ATP6V1H: variants seen among roughly 807,000 people sequenced by gnomAD.
ATP6V1H encodes ATPase H+ transporting V1 subunit H.
ATP6V1H carries 39 observed loss-of-function variants against 71.7 expected under a neutral mutation model. That is an observed-to-expected ratio of 0.54 (90% CI 0.42 to 0.71). ATP6V1H has a LOEUF of 0.71. ATP6V1H is among the 30% of genes least tolerant of loss of function. The pLI, the probability that ATP6V1H is intolerant of heterozygous loss-of-function variation, is 0.00. For synonymous variants in ATP6V1H, 192 were observed against 199.3 expected (o/e 0.96, Z 0.31); for missense variants, 509 against 594.9 (o/e 0.86, Z 1.50).
chr8:53,840,390 CG>C (rs1309407898), intron 2 of ATP6V1H, among the ~76,000 whole-genome samples: 1 of 151,596 alleles, frequency 6.6e-6, no homozygotes. Context: ...CCCAGCTACT[CG>C]GGAGGCTGAG....
intron 9 of ATP6V1H, among the ~76,000 whole-genome samples, chr8:53,773,897 G>A (rs1808767588): frequency 6.6e-6 from 1 of 152,106 alleles, no homozygotes; most frequent in African/African-American, 2.4e-5. Flanking sequence ...TCAGCTGATG[G>A]ACTTAAGAAC....
intron 13 of ATP6V1H, among the ~76,000 whole-genome samples, chr8:53,737,136 G>C (rs1563442379): frequency 1.3e-5 from 2 of 152,178 alleles, no homozygotes; most frequent in South Asian, 2.1e-4. Flanking sequence ...TGGTTTTCGG[G>C]ACACAAGTCT....
chr8:53,779,885 T>C (rs1272695864), intron 9 of ATP6V1H, among the ~76,000 whole-genome samples: 1 of 152,140 alleles, frequency 6.6e-6, no homozygotes, highest in East Asian at 1.9e-4. Context: ...TCGGCTGGAC[T>C]TGATGGCTCA....
intron 13 of ATP6V1H, among the ~76,000 whole-genome samples, chr8:53,727,107 C>T (rs1385051864): frequency 3.3e-5 from 5 of 152,312 alleles, no homozygotes; most frequent in East Asian, 1.9e-4. Flanking sequence ...AAGTTTTCCA[C>T]GCTTTTAATG....
intron 12 of ATP6V1H, among the ~76,000 whole-genome samples, chr8:53,749,303 C>A (rs1807711017): frequency 6.6e-6 from 1 of 152,134 alleles, no homozygotes; most frequent in East Asian, 1.9e-4. Context: ...AAAACTTTAC[C>A]CTGCCTGATA....
At chr8:53,777,180 C>T (rs925451122) in intron 9 of ATP6V1H, among the ~76,000 whole-genome samples, 1 of 152,082 alleles carries the variant, frequency 6.6e-6, no homozygotes, top group Non-Finnish European at 1.5e-5. Context: ...CCAAAATTTT[C>T]CATCTTTAGC....
At chr8:53,823,079 G>A (rs1810711807) in intron 4 of ATP6V1H, among the ~76,000 whole-genome samples, 1 of 151,758 alleles carries the variant, frequency 6.6e-6, no homozygotes, top group Non-Finnish European at 1.5e-5. Flanking sequence ...ACCAGACCGA[G>A]AAAAAAGTAG....
Position 53,772,963 on chromosome 8 carries a change from A to AT in ATP6V1H, c.871-797dup, listed in dbSNP as rs548007372. Among the ~76,000 whole-genome samples the AT allele has an allele frequency of 9.3e-3, 1,400 of 150,680 alleles. 17 individuals are homozygous for AT. Among genetic ancestry groups the AT allele is most frequent in the East Asian group, 0.014 (73 of 5,122 alleles). On this transcript the variant is annotated intron_variant, in intron 9 of 13. Transcript: ENST00000359530. ...TAACTCCAATTGTAAAAAAACTTGA[A>AT]TTTTTTTTTCTTTTTACAAGTAAGT...
At chr8:53,787,652 T>C (rs1809429934) in intron 9 of ATP6V1H, among the ~76,000 whole-genome samples, 1 of 152,184 alleles carries the variant, frequency 6.6e-6, no homozygotes, top group Non-Finnish European at 1.5e-5. Context: ...AGAAATCAAA[T>C]GCACAACAAA....
At chr8:53,775,525 GATTA>G (rs1808844766) in intron 9 of ATP6V1H, among the ~76,000 whole-genome samples, 2 of 152,088 alleles carry the variant, frequency 1.3e-5, no homozygotes, top group Non-Finnish European at 2.9e-5. Context: ...GTCCCCATCA[GATTA>G]GTTAGATACA....
intron 6 of ATP6V1H, among the ~76,000 whole-genome samples, chr8:53,813,005 T>G (rs961103423): frequency 1.3e-5 from 2 of 152,118 alleles, no homozygotes; most frequent in African/African-American, 4.8e-5. Context: ...TGGAATGAAG[T>G]TTATTTAAAG....
intron 2 of ATP6V1H, among the ~76,000 whole-genome samples, chr8:53,838,681 G>C (rs1436552577): frequency 1.3e-5 from 2 of 152,052 alleles, no homozygotes; most frequent in East Asian, 3.8e-4. Flanking sequence ...ATTCCAGTTT[G>C]ACTAGAACAC....
chr8:53,819,714 A>G (rs1346982499), intron 4 of ATP6V1H, among the ~76,000 whole-genome samples: 1 of 139,252 alleles, frequency 7.2e-6, no homozygotes, highest in Non-Finnish European at 1.5e-5. Flanking sequence ...ACGTATATAC[A>G]TATACTTTGT....
chr8:53,736,315 G>A (rs1018987199), intron 13 of ATP6V1H, among the ~76,000 whole-genome samples: 7 of 152,200 alleles, frequency 4.6e-5, no homozygotes, highest in East Asian at 3.9e-4. Context: ...TCCCTTAGCC[G>A]AAAACATTGC....
intron 5 of ATP6V1H, among the ~76,000 whole-genome samples, chr8:53,815,229 G>A (rs1810408895): frequency 6.6e-6 from 1 of 152,080 alleles, no homozygotes; most frequent in Admixed American, 6.6e-5. Flanking sequence ...ATACATCCTA[G>A]GTATTAGTCG....
chr8:53,734,113 A>G (rs776416034), intron 13 of ATP6V1H, among the ~76,000 whole-genome samples: 3 of 152,242 alleles, frequency 2.0e-5, no homozygotes, highest in Non-Finnish European at 4.4e-5. Flanking sequence ...TTTAATGAAT[A>G]CCAAAGGACA....
chr8:53,790,210 G>T (rs574413347), intron 9 of ATP6V1H, among the ~76,000 whole-genome samples: 1 of 152,114 alleles, frequency 6.6e-6, no homozygotes. Flanking sequence ...TTCAGTAACT[G>T]GGCCAGTCTT....
chr8:53,719,151 T>A (rs1806530698), intron 13 of ATP6V1H, among the ~76,000 whole-genome samples: 2 of 152,138 alleles, frequency 1.3e-5, no homozygotes, highest in African/African-American at 4.8e-5. Flanking sequence ...TCCTTCGAAC[T>A]TGGCTTTTAT....
At chr8:53,827,121 C>A (rs954813964) in intron 4 of ATP6V1H, among the ~76,000 whole-genome samples, 11 of 151,974 alleles carry the variant, frequency 7.2e-5, no homozygotes, top group Admixed American at 2.0e-4. Context: ...GTGGCTCACT[C>A]CTGTAATCCC....
Sources: allele counts gnomAD v4.1 joint callset (sites outside exome capture counted in the v4.1 genomes callset), GRCh38; gene constraint gnomAD v4.1.1; transcripts MANE v1.5; gene names NCBI Gene and HGNC (gene_info 2026-07-23, HGNC 2026-07-21).